PIK3R5: variants seen among roughly 807,000 people sequenced by gnomAD.
PIK3R5 encodes the protein phosphoinositide 3-kinase regulatory subunit 5.
PIK3R5 carries 32 observed loss-of-function variants against 94.9 expected under a neutral mutation model. That is an observed-to-expected ratio of 0.34 (90% CI 0.25 to 0.45). The LOEUF (loss-of-function observed/expected upper bound fraction) is 0.45. Among genes scored for constraint, PIK3R5 ranks in the 20% least tolerant of loss-of-function variants. PIK3R5 has a pLI of 1.00. For synonymous variants in PIK3R5, 443 were observed against 479.4 expected (o/e 0.92, Z 0.99); for missense variants, 853 against 1,144.6 (o/e 0.75, Z 3.68).
intron 1 of PIK3R5, among the ~76,000 whole-genome samples, chr17:8,919,455 C>T (rs775119684): frequency 6.6e-6 from 1 of 152,232 alleles, no homozygotes; most frequent in Non-Finnish European, 1.5e-5. Flanking sequence ...GCCTCAAAAT[C>T]CCCCAACCTG....
chr17:8,940,820 C>T (rs2091166601), intron 1 of PIK3R5, among the ~76,000 whole-genome samples: 1 of 152,190 alleles, frequency 6.6e-6, no homozygotes, highest in African/African-American at 2.4e-5. Context: ...CTCGTCCTCC[C>T]AAAGTGTTGG....
chr17:8,886,091 G>A (rs1239304076), intron 14 of PIK3R5, 138 bp downstream of exon 14: 5 of 480,876 alleles, frequency 1.0e-5, no homozygotes, highest in South Asian at 1.9e-5. Flanking sequence ...CGGTAACCCC[G>A]TCTCCCCAGG....
Position 8,909,583 on chromosome 17 carries a change from G to A in PIK3R5, c.104-409C>T, listed in dbSNP as rs1028806021. Among the ~76,000 whole-genome samples, 2 of 152,228 alleles carry A rather than the reference G, an allele frequency of 1.3e-5. No individual in the cohort carries two copies. The highest frequency in any genetic ancestry group is 2.9e-5 in the Non-Finnish European group (2 of 68,044). On this transcript the variant is annotated intron_variant, in intron 2 of 18. Transcript: ENST00000447110. This position sits in a 1 kb window ranked among gnomAD's most constrained non-coding sequence, Gnocchi z 4.3. ...ATTATAGGCGTGAGCCACTGCACCC[G>A]GCCTGGAACACTCCTTTCTAAAGTA...
rs73973262 is a variant in PIK3R5 at position 8,908,484 on chromosome 17, G to A, written c.204+590C>T. On this transcript the variant is annotated intron_variant, in intron 3 of 18. Transcript: ENST00000447110. Reference sequence around the variant, plus strand: ...TTCTTACAGGGATAGGTAGCCGAGAGTGAAAGTGACATGTTTTCCAAATCA... The same window carrying A: ...TTCTTACAGGGATAGGTAGCCGAGAATGAAAGTGACATGTTTTCCAAATCA... Among the ~76,000 whole-genome samples the A allele has an allele frequency of 9.6e-3, 1,463 of 151,796 alleles. 20 individuals carry two copies. The highest frequency in any genetic ancestry group is 0.033 in the African/African-American group (1,380 of 41,302).
chr17:8,952,409 G>A (rs920700147), intron 1 of PIK3R5, among the ~76,000 whole-genome samples: 4 of 152,290 alleles, frequency 2.6e-5, no homozygotes, highest in East Asian at 1.9e-4. Context: ...AAGACCACAC[G>A]GTATACCCAA....
Position 8,945,100 on chromosome 17 carries a change from T to C in PIK3R5, c.-14+20496A>G, listed in dbSNP as rs934747611. On this transcript the variant is annotated intron_variant, in intron 1 of 18. Coordinates refer to ENST00000447110, the MANE Select transcript of PIK3R5 (RefSeq NM_001142633.3). This position sits in a 1 kb window ranked among gnomAD's most constrained non-coding sequence, Gnocchi z 4.0. The stretch of plus-strand genomic sequence containing the variant: ...CAGAGACCTGGCAAAGCTTTCTCAT[T>C]GTTTCAGCTGTGGCAGGCTTCTAGC... 1.3e-5 allele frequency among the ~76,000 whole-genome samples: 2 copies of C among 152,128 alleles called. No individual in the cohort carries two copies. The highest frequency in any genetic ancestry group is 2.4e-5 in the African/African-American group (1 of 41,412).
chr17:8,946,173 A>G (rs1666356988), intron 1 of PIK3R5, among the ~76,000 whole-genome samples: 1 of 47,490 alleles, frequency 2.1e-5, no homozygotes, highest in Non-Finnish European at 5.6e-5. Context: ...TTACACAGCA[A>G]TGTATCTGGA....
In PIK3R5 at chr17:8,911,566, T is replaced by A. The variant is rs2090525575; in HGVS notation, c.-13-59A>T. The A allele has an allele frequency of 1.7e-6, 2 of 1,150,738 alleles. No individual in the cohort carries two copies. The highest frequency in any genetic ancestry group is 2.5e-6 in the Non-Finnish European group (2 of 789,946). 71.3% of individuals were successfully genotyped at this position (1,150,738 alleles called of 1,614,324 possible). ...AGCTCCTTTCCCAGAGAGCACCTGG[T>A]CCAGTAAAGACAACAGGTGCTCACA... is the stretch of plus-strand genomic sequence containing the variant. On this transcript the variant is annotated intron_variant, in intron 1 of 18. Coordinates refer to ENST00000447110, the MANE Select transcript of PIK3R5 (RefSeq NM_001142633.3). This position sits in a 1 kb window ranked among gnomAD's most constrained non-coding sequence, Gnocchi z 5.3.
chr17:8,947,063 G>T (rs1413437422), intron 1 of PIK3R5, among the ~76,000 whole-genome samples: 1 of 145,594 alleles, frequency 6.9e-6, no homozygotes, highest in African/African-American at 2.6e-5. Context: ...AGATGAAGAG[G>T]TTTGAAGGAA....
At chr17:8,928,680 G>A (rs2151438412) in intron 1 of PIK3R5, among the ~76,000 whole-genome samples, 1 of 152,336 alleles carries the variant, frequency 6.6e-6, no homozygotes, top group South Asian at 2.1e-4. Flanking sequence ...GAATGAAGAG[G>A]AAATCAAGAT....
rs962852923 is a variant in PIK3R5 at position 8,888,027 on chromosome 17, A to G, written c.1616+144T>C. 8.8e-5 allele frequency: 19 copies of G among 215,196 alleles called. No individual in the cohort carries two copies. The highest frequency in any genetic ancestry group is 1.5e-4 in the Non-Finnish European group (17 of 115,422). 13.3% of individuals were successfully genotyped at this position (215,196 alleles called of 1,614,324 possible). ...AAATAATAATAATAATAATAATAAT[A>G]ATAATAATAATAATAATAATAAAAT... On this transcript the variant is annotated intron_variant, in intron 10 of 18. Coordinates refer to ENST00000447110, the MANE Select transcript of PIK3R5 (RefSeq NM_001142633.3). This position sits in a 1 kb window ranked among gnomAD's most constrained non-coding sequence, Gnocchi z 7.8.
chr17:8,903,178 T>C (rs192437306), intron 5 of PIK3R5, among the ~76,000 whole-genome samples: 104 of 152,328 alleles, frequency 6.8e-4, no homozygotes, highest in African/African-American at 2.3e-3. Context: ...ATATTTTTTA[T>C]GGTCTACCAA....
At chr17:8,930,430 T>C (rs572389377) in intron 1 of PIK3R5, among the ~76,000 whole-genome samples, 2 of 152,224 alleles carry the variant, frequency 1.3e-5, no homozygotes, top group Admixed American at 6.5e-5. Flanking sequence ...ATTGGTGGGA[T>C]ACAGTTAAAG....
chr17:8,959,518 G>T (rs550689915), intron 1 of PIK3R5, among the ~76,000 whole-genome samples: 1 of 152,132 alleles, frequency 6.6e-6, no homozygotes, highest in Non-Finnish European at 1.5e-5. Context: ...TTTTTCAAAG[G>T]GGCCAACTAT....
At chr17:8,956,004 C>A (rs954057281) in intron 1 of PIK3R5, among the ~76,000 whole-genome samples, 5 of 152,016 alleles carry the variant, frequency 3.3e-5, no homozygotes, top group East Asian at 1.9e-4. Context: ...AAAACACACA[C>A]AAAAAATTAG....
chr17:8,887,046 T>A (rs1224194117), intron 12 of PIK3R5, 50 bp downstream of exon 12: 1 of 1,608,260 alleles, frequency 6.2e-7, no homozygotes, highest in Non-Finnish European at 8.5e-7. Context: ...TAAGTGAGGC[T>A]GGGTGACTGC....
At chr17:8,943,797 A>C (rs2091227801) in intron 1 of PIK3R5, among the ~76,000 whole-genome samples, 1 of 152,072 alleles carries the variant, frequency 6.6e-6, no homozygotes. Flanking sequence ...AAATAAAAGA[A>C]ACATTCTCCA....
chr17:8,900,751 G>T (rs148682506), intron 5 of PIK3R5, among the ~76,000 whole-genome samples: 1 of 152,084 alleles, frequency 6.6e-6, no homozygotes, highest in Non-Finnish European at 1.5e-5. Context: ...CCTCACCACC[G>T]CCAGCACCTC....
intron 1 of PIK3R5, among the ~76,000 whole-genome samples, chr17:8,954,044 T>A (rs12453081): frequency 6.6e-6 from 1 of 151,050 alleles, no homozygotes; most frequent in African/African-American, 2.4e-5. Flanking sequence ...CCCCAGAAAG[T>A]GCTCTTTCCT....
Sources: gnomAD v4.1 joint callset for allele counts (sites outside exome capture counted in the v4.1 genomes callset) on GRCh38, gnomAD v4.1.1 for gene constraint, Gnocchi (gnomAD v3.1) non-coding constraint, MANE v1.5 for transcripts, NCBI Gene and HGNC (gene_info 2026-07-23, HGNC 2026-07-21) for gene names.